The following SDK1 variants were observed in gnomAD, a reference collection of about 807,000 sequenced individuals.
SDK1 encodes protein sidekick-1.
SDK1 carries 157 observed loss-of-function variants against 245.5 expected under a neutral mutation model. That is an observed-to-expected ratio of 0.64 (90% confidence interval 0.56 to 0.73). The LOEUF (loss-of-function observed/expected upper bound fraction) is 0.73. Among genes scored for constraint, SDK1 ranks in the 30% least tolerant of loss-of-function variants. The probability of loss-of-function intolerance (pLI) is 0.00; values close to 1 mark genes in which losing one functional copy is unlikely to be tolerated. For synonymous variants in SDK1, 1,647 were observed against 1,278.5 expected (o/e 1.29, Z -6.15); for missense variants, 3,583 against 3,002.3 (o/e 1.19, Z -4.52).
At position 3,306,719 on chromosome 7, in the gene SDK1, GTTA is replaced by G. The variant is rs1477991888; in HGVS notation, c.298+4838_298+4840del. 2.0e-5 allele frequency among the ~76,000 whole-genome samples: 3 copies of G among 152,294 alleles called. No homozygotes were observed. The East Asian group carries it at 5.8e-4, about 29-fold the overall frequency. The stretch of plus-strand genomic sequence containing the variant: ...AATTCTCCCTACCAGTTGCCTTTAT[GTTA>G]TTTCCATCCTCAGAGCCCCTGTATT... On this transcript the variant is annotated intron_variant, in intron 1 of 44. Transcript: ENST00000404826.
intron 22 of SDK1, among the ~76,000 whole-genome samples, chr7:4,109,517 C>T (rs1783192122): frequency 6.6e-6 from 1 of 152,234 alleles, no homozygotes; most frequent in Non-Finnish European, 1.5e-5. Flanking sequence ...AATCCCACTC[C>T]AGCAGCCAGT....
At chr7:3,730,399 C>A (rs1043870288) in intron 4 of SDK1, among the ~76,000 whole-genome samples, 15 of 152,114 alleles carry the variant, frequency 9.9e-5, no homozygotes, top group African/African-American at 3.4e-4. Flanking sequence ...TAGAACTTTG[C>A]CAAGATTCTG....
chr7:3,637,067 G>A (rs1454161503), intron 2 of SDK1, among the ~76,000 whole-genome samples: 2 of 151,210 alleles, frequency 1.3e-5, no homozygotes, highest in Non-Finnish European at 2.9e-5. Flanking sequence ...GAGAGAGAGA[G>A]AGAGAGAGTG....
At chr7:3,672,709 T>A (rs1213973555) in intron 4 of SDK1, among the ~76,000 whole-genome samples, 1 of 130,316 alleles carries the variant, frequency 7.7e-6, no homozygotes, top group Non-Finnish European at 1.6e-5. Flanking sequence ...AAATAAAAAT[T>A]AAATTTATAT....
intron 22 of SDK1, among the ~76,000 whole-genome samples, chr7:4,093,837 A>G (rs1781963757): frequency 6.6e-6 from 1 of 152,054 alleles, no homozygotes; most frequent in Non-Finnish European, 1.5e-5. Flanking sequence ...TTGCTGAGGC[A>G]CTCACCTGCG....
At chr7:3,977,787 T>C (rs1188335874) in intron 13 of SDK1, among the ~76,000 whole-genome samples, 1 of 152,228 alleles carries the variant, frequency 6.6e-6, no homozygotes, top group Admixed American at 6.5e-5. Flanking sequence ...CTGTTTTGAA[T>C]TTTGAGTGCC....
At chr7:4,234,377 C>A (rs1786012192) in intron 41 of SDK1, among the ~76,000 whole-genome samples, 1 of 152,300 alleles carries the variant, frequency 6.6e-6, no homozygotes, top group Non-Finnish European at 1.5e-5. Context: ...CCCGAGAGCA[C>A]CCGTGTTAGA....
intron 4 of SDK1, among the ~76,000 whole-genome samples, chr7:3,644,546 A>G (rs374101369): frequency 6.6e-6 from 1 of 151,448 alleles, no homozygotes; most frequent in African/African-American, 2.4e-5. Context: ...CTTGAGTTTA[A>G]AGCAATCTGG....
intron 35 of SDK1, among the ~76,000 whole-genome samples, chr7:4,180,619 G>C (rs1782550694): frequency 6.6e-6 from 1 of 152,232 alleles, no homozygotes; most frequent in South Asian, 2.1e-4. Flanking sequence ...TAAAGGGACG[G>C]GGTAATTTAT....
intron 28 of SDK1, among the ~76,000 whole-genome samples, chr7:4,138,547 G>T (rs1039941120): frequency 6.6e-6 from 1 of 152,092 alleles, no homozygotes; most frequent in African/African-American, 2.4e-5. Context: ...AGGAGTTCGA[G>T]ACCAGCCTGG....
At chr7:3,558,063 G>C (rs190373169) in intron 1 of SDK1, among the ~76,000 whole-genome samples, 58 of 124,620 alleles carry the variant, frequency 4.7e-4, no homozygotes, top group African/African-American at 1.7e-3. Context: ...CACAGTTATA[G>C]TCCCCAAAGA....
chr7:4,082,779 C>T (rs957937257), intron 22 of SDK1, among the ~76,000 whole-genome samples: 1 of 151,974 alleles, frequency 6.6e-6, no homozygotes, highest in African/African-American at 2.4e-5. Flanking sequence ...TGCCACCACA[C>T]CAGCTAACTT....
intron 1 of SDK1, among the ~76,000 whole-genome samples, chr7:3,496,095 G>A (rs17133445): frequency 0.23 from 34,497 of 152,048 alleles, 4,234 homozygotes; most frequent in East Asian, 0.33. Context: ...TTGGACCCTG[G>A]AGATGCGTAG....
intron 1 of SDK1, among the ~76,000 whole-genome samples, chr7:3,382,141 T>C (rs1781504717): frequency 6.7e-6 from 1 of 149,060 alleles, no homozygotes; most frequent in East Asian, 1.9e-4. Flanking sequence ...AACTTAAACA[T>C]TTTTTTTTGT....
Position 4,077,150 on chromosome 7 carries a change from C to T in SDK1, c.3163C>T (p.Leu1055=), listed in dbSNP as rs762927240. 1.4e-5 allele frequency: 22 copies of T among 1,614,254 alleles called. No individual in the cohort carries two copies. The highest frequency in any genetic ancestry group is 1.7e-5 in the Non-Finnish European group (20 of 1,180,038). The change falls in exon 21 of 45, where the codon CTG becomes TTG. Residue 1055 remains leucine, a synonymous_variant. Coordinates refer to ENST00000404826, the MANE Select transcript of SDK1 (RefSeq NM_152744.4). ...CGCTGTGACTGCCGTGGGCACTGGC[C>T]TGGTGACTTCATCCACCATTTCTTC... ...VAAVTAVGTG[L]VTSSTISSGV...
At chr7:4,144,525 A>C (rs1779817366) in intron 28 of SDK1, among the ~76,000 whole-genome samples, 1 of 151,532 alleles carries the variant, frequency 6.6e-6, no homozygotes, top group Non-Finnish European at 1.5e-5. Context: ...TCTCCGTGTA[A>C]TTGTCCTCCC....
intron 13 of SDK1, among the ~76,000 whole-genome samples, chr7:3,984,680 G>A (rs187873878): frequency 6.6e-6 from 1 of 152,196 alleles, no homozygotes; most frequent in Admixed American, 6.5e-5. Context: ...AACTCCTACT[G>A]TGTGTGTCTG....
At chr7:3,539,703 A>G (rs1226174175) in intron 1 of SDK1, among the ~76,000 whole-genome samples, 2 of 152,238 alleles carry the variant, frequency 1.3e-5, no homozygotes, top group Non-Finnish European at 2.9e-5. Context: ...AGCGATCACC[A>G]TGGCAGTCAT....
intron 5 of SDK1, among the ~76,000 whole-genome samples, chr7:3,887,474 G>C (rs1389110806): frequency 6.6e-6 from 1 of 152,076 alleles, no homozygotes; most frequent in Non-Finnish European, 1.5e-5. Context: ...CATGATCAAG[G>C]CCCGCCTAGG....
Sources: allele counts gnomAD v4.1 joint callset (sites outside exome capture counted in the v4.1 genomes callset), GRCh38; gene constraint gnomAD v4.1.1; transcripts MANE v1.5; gene names NCBI Gene and HGNC (gene_info 2026-07-23, HGNC 2026-07-21).